Variants in FBXL4 observed in about 807,000 individuals in gnomAD.
FBXL4 encodes F-box and leucine rich repeat protein 4.
FBXL4 carries 40 observed loss-of-function variants against 58.9 expected under a neutral mutation model. That is an observed-to-expected ratio of 0.68 (90% CI 0.53 to 0.88). The LOEUF (loss-of-function observed/expected upper bound fraction) is 0.88, where lower values mean the gene tolerates loss of function less well. FBXL4 is among the 40% of genes least tolerant of loss of function. The probability of loss-of-function intolerance (pLI) is 0.00; values close to 1 mark genes in which losing one functional copy is unlikely to be tolerated. For missense variants in FBXL4, 676 were observed against 734.4 expected (o/e 0.92, Z 0.92); for synonymous variants, 263 against 265.5 (o/e 0.99, Z 0.09).
intron 2 of FBXL4, among the ~76,000 whole-genome samples, chr6:98,929,582 A>G (rs1772929858): frequency 6.6e-6 from 1 of 151,848 alleles, no homozygotes; most frequent in African/African-American, 2.4e-5. Flanking sequence ...AAAAAAAAAA[A>G]AAAAAGAAAG....
intron 5 of FBXL4, among the ~76,000 whole-genome samples, chr6:98,910,712 T>A (rs1772012114): frequency 6.6e-6 from 1 of 150,422 alleles, no homozygotes; most frequent in Non-Finnish European, 1.5e-5. Context: ...GATGGCCGAA[T>A]AGGAACAGCT....
In FBXL4 at chr6:98,934,821, A is replaced by C. The variant is rs1267780636; in HGVS notation, c.-250T>G. On this transcript the variant is annotated 5_prime_UTR_variant, in exon 2 of 10. Transcript: ENST00000369244. ...TCCTATCCAGCTTCAAAGCTTCTTGAAAATCCAAGCGAATGAAGCAAATGG... is the reference window on the plus strand; with the variant it reads ...TCCTATCCAGCTTCAAAGCTTCTTGCAAATCCAAGCGAATGAAGCAAATGG... 1.3e-5 allele frequency: 2 copies of C among 152,240 alleles called. No individual in the cohort carries two copies. The highest frequency in any genetic ancestry group is 4.8e-5 in the African/African-American group (2 of 41,470). The allele number at this position is 152,240 out of a possible 1,614,324, so 9.4% of individuals were successfully genotyped here.
intron 9 of FBXL4, chr6:98,875,120 G>C (rs946938082): frequency 6.4e-6 from 2 of 310,304 alleles, no homozygotes; most frequent in Non-Finnish European, 1.2e-5. Flanking sequence ...TAAAAATAGA[G>C]AGCGCAGCTC....
chr6:98,869,303 C>T lies in FBXL4; in HGVS notation c.*4975G>A, dbSNP rs1335539249. On this transcript the variant is annotated 3_prime_UTR_variant, in exon 10 of 10. Transcript: ENST00000369244. ...GTCTGTAATAGGTATCCTTTAATAGCTGAAAGTAACAAATGAAAAGCCAAA... is the reference window on the plus strand; with the variant it reads ...GTCTGTAATAGGTATCCTTTAATAGTTGAAAGTAACAAATGAAAAGCCAAA... 6.6e-6 allele frequency: 1 copy of T among 152,090 alleles called. No individual in the cohort carries two copies. The highest frequency in any genetic ancestry group is 2.4e-5 in the African/African-American group (1 of 41,394). The allele number at this position is 152,090 out of a possible 1,614,324, so 9.4% of individuals were successfully genotyped here.
At chr6:98,916,874 C>T (rs188826181) in intron 5 of FBXL4, among the ~76,000 whole-genome samples, 1 of 147,068 alleles carries the variant, frequency 6.8e-6, no homozygotes, top group East Asian at 2.0e-4. Context: ...AATAGCACTA[C>T]CTGCCTAGAC....
rs1772815205 is a variant in FBXL4, at chr6:98,926,990, T to C, written c.-2A>G. Reference sequence around the variant, plus strand: ...TAACATGGGAAAGACCGGTGACATCTAGATGTGAATTATGAAGCTTCAAAA... The same window carrying C: ...TAACATGGGAAAGACCGGTGACATCCAGATGTGAATTATGAAGCTTCAAAA... On this transcript the variant is annotated 5_prime_UTR_variant, in exon 4 of 10. Coordinates refer to ENST00000369244, the MANE Select transcript of FBXL4 (RefSeq NM_001278716.2). 3 of 1,610,766 alleles carry C rather than the reference T, an allele frequency of 1.9e-6. No homozygotes were observed. The highest frequency in any genetic ancestry group is 1.7e-5 in the Admixed American group (1 of 59,784).
At chr6:98,882,521 T>C (rs1267877921) in intron 7 of FBXL4, among the ~76,000 whole-genome samples, 5 of 152,042 alleles carry the variant, frequency 3.3e-5, no homozygotes, top group African/African-American at 9.7e-5. Context: ...ATGAAACTTG[T>C]TTGGTAATTT....
At chr6:98,902,092 T>C (rs977479390) in intron 6 of FBXL4, among the ~76,000 whole-genome samples, 2 of 152,122 alleles carry the variant, frequency 1.3e-5, no homozygotes, top group African/African-American at 4.8e-5. Context: ...CATCCTAAAA[T>C]AATTAAGATC....
chr6:98,883,772 C>T (rs1257912880), intron 7 of FBXL4, among the ~76,000 whole-genome samples: 2 of 151,068 alleles, frequency 1.3e-5, no homozygotes, highest in Non-Finnish European at 3.0e-5. Context: ...TTCCCTGCAC[C>T]AACATTTCTG....
intron 4 of FBXL4, among the ~76,000 whole-genome samples, chr6:98,918,205 C>G (rs1772443979): frequency 6.6e-6 from 1 of 152,100 alleles, no homozygotes; most frequent in Non-Finnish European, 1.5e-5. Context: ...TTTATCAAAT[C>G]ATTGTTTCAT....
chr6:98,935,061 A>ATGAAT (rs1275777031), intron 1 of FBXL4, among the ~76,000 whole-genome samples, 182 bp from the exon 2 acceptor site: 1 of 152,248 alleles, frequency 6.6e-6, no homozygotes, highest in East Asian at 1.9e-4. Flanking sequence ...GTACCCAAGA[A>ATGAAT]GTCAAGTAGG....
chr6:98,945,610 G>A (rs1044214538), intron 1 of FBXL4, among the ~76,000 whole-genome samples: 1 of 152,056 alleles, frequency 6.6e-6, no homozygotes, highest in Admixed American at 6.5e-5. Context: ...AGTGTCCAGT[G>A]TAAAATTTAT....
rs557038265 is a variant in FBXL4, at chr6:98,916,330, G to A, written c.858+1044C>T. Among the ~76,000 whole-genome samples the A allele has an allele frequency of 2.0e-3, 312 of 152,300 alleles. 1 individual carries two copies. Among genetic ancestry groups the A allele is most frequent in the Non-Finnish European group, 3.5e-3 (240 of 68,032 alleles). ...TCCCATTACTGGGTATATACCCAAAGGACAATAAATCATGCTGCTAGAAAG... is the reference window on the plus strand; with the variant it reads ...TCCCATTACTGGGTATATACCCAAAAGACAATAAATCATGCTGCTAGAAAG... On this transcript the variant is annotated intron_variant, in intron 5 of 9. Transcript: ENST00000369244.
intron 4 of FBXL4, among the ~76,000 whole-genome samples, chr6:98,919,052 G>GA (rs80321576): frequency 0.021 from 3,158 of 147,174 alleles, 171 homozygotes; most frequent in East Asian, 0.19. Flanking sequence ...GAAACTGAAA[G>GA]AAAAAAAAAA....
Position 98,907,802 on chromosome 6 carries a change from T to C in FBXL4, c.859-2132A>G, listed in dbSNP as rs117132360. On this transcript the variant is annotated intron_variant, in intron 5 of 9. Coordinates refer to ENST00000369244, the MANE Select transcript of FBXL4 (RefSeq NM_001278716.2). Reference sequence around the variant, plus strand: ...AATTTCAGGTCAGATTTTCACTGTTTTAAGCCAAAATATCACAAAACGCAG... The same window carrying C: ...AATTTCAGGTCAGATTTTCACTGTTCTAAGCCAAAATATCACAAAACGCAG... Among the ~76,000 whole-genome samples the C allele has an allele frequency of 5.4e-4, 82 of 152,300 alleles. 1 individual carries two copies. In the East Asian group the frequency reaches 0.015, roughly 28 times the overall value.
intron 6 of FBXL4, among the ~76,000 whole-genome samples, chr6:98,899,719 G>C (rs1388615693): frequency 6.6e-6 from 1 of 151,964 alleles, no homozygotes; most frequent in African/African-American, 2.4e-5. Context: ...GTCAGCTAAT[G>C]CTAAGTGGAA....
chr6:98,881,623 A>C (rs185264514), intron 7 of FBXL4, among the ~76,000 whole-genome samples: 85 of 152,230 alleles, frequency 5.6e-4, no homozygotes, highest in Admixed American at 9.2e-4. Flanking sequence ...TGAGAAAATA[A>C]AGTAATAAAA....
intron 7 of FBXL4, among the ~76,000 whole-genome samples, chr6:98,889,890 C>A (rs975931607): frequency 6.6e-6 from 1 of 151,998 alleles, no homozygotes; most frequent in African/African-American, 2.4e-5. Context: ...TTTTAAGAAA[C>A]GTTACCCATA....
At chr6:98,944,675 C>G (rs776804355) in intron 1 of FBXL4, among the ~76,000 whole-genome samples, 2 of 152,158 alleles carry the variant, frequency 1.3e-5, no homozygotes, top group Non-Finnish European at 2.9e-5. Context: ...ATGTCTCCCT[C>G]TGGTACAGAG....
Sources: allele counts gnomAD v4.1 joint callset (sites outside exome capture counted in the v4.1 genomes callset), GRCh38; gene constraint gnomAD v4.1.1; transcripts MANE v1.5; gene names NCBI Gene and HGNC (gene_info 2026-07-23, HGNC 2026-07-21).